WNT5A: variants seen among roughly 807,000 people sequenced by gnomAD.
The protein encoded by WNT5A is protein Wnt-5a.
A neutral mutation model predicts 42.1 loss-of-function variants in WNT5A; 9 were observed. The observed-to-expected ratio is 0.21, with a 90% confidence interval of 0.13 to 0.37. WNT5A has a LOEUF of 0.37. Ranked by LOEUF, WNT5A falls within the 10% of genes least tolerant of loss-of-function variation. WNT5A has a pLI of 1.00. For synonymous variants in WNT5A, 210 were observed against 210.0 expected, an observed-to-expected ratio of 1.00 and a Z score of 0.00; for missense variants, 426 against 534.0, an observed-to-expected ratio of 0.80 and a Z score of 1.99.
upstream of WNT5A, among the ~76,000 whole-genome samples, chr3:55,492,561 G>A (rs2051671570): frequency 6.6e-6 from 1 of 152,176 alleles, no homozygotes; most frequent in Admixed American, 6.5e-5. Context: ...AGAAAAACGA[G>A]GAGCCTGAGG....
chr3:55,481,134 C>T (rs1448918283), intron 1 of WNT5A: 2 of 696,568 alleles, frequency 2.9e-6, no homozygotes, highest in Non-Finnish European at 4.0e-6. Context: ...TCGCTGGGAT[C>T]CTGTGCGCGG....
chr3:55,492,979 G>A (rs1310652513), upstream of WNT5A, among the ~76,000 whole-genome samples: 2 of 152,166 alleles, frequency 1.3e-5, no homozygotes, highest in Non-Finnish European at 1.5e-5. Context: ...CCTGATTCAA[G>A]CTCAGCTCAA....
intron 1 of WNT5A, among the ~76,000 whole-genome samples, chr3:55,484,177 A>C (rs1285687494): frequency 1.3e-5 from 2 of 152,122 alleles, no homozygotes. Context: ...CTCCAAAAAG[A>C]ATCTCCACTC....
intron 2 of WNT5A, among the ~76,000 whole-genome samples, chr3:55,480,182 A>G (rs1269976206): frequency 6.6e-6 from 1 of 152,214 alleles, no homozygotes; most frequent in African/African-American, 2.4e-5. Context: ...GGAAAAAAAT[A>G]CCCAGAATGC....
At chr3:55,473,238 A>G (rs1422459738) in intron 4 of WNT5A, among the ~76,000 whole-genome samples, 1 of 152,140 alleles carries the variant, frequency 6.6e-6, no homozygotes, top group Non-Finnish European at 1.5e-5. Context: ...GTGGGGCCAG[A>G]GTCTTCTAAG....
At chr3:55,497,007 C>G in the WNT5A span, among the ~76,000 whole-genome samples, 1 of 152,234 alleles carries the variant, frequency 6.6e-6, no homozygotes, top group Admixed American at 6.5e-5. Flanking sequence ...GATCATCAAC[C>G]ATTCATTTAA....
At chr3:55,498,593 T>C in the WNT5A span, among the ~76,000 whole-genome samples, 1 of 152,224 alleles carries the variant, frequency 6.6e-6, no homozygotes. Flanking sequence ...CAATTCTTTC[T>C]TCTGCTGTTA....
chr3:55,500,373 G>T, the WNT5A span, among the ~76,000 whole-genome samples: 1 of 152,204 alleles, frequency 6.6e-6, no homozygotes, highest in Non-Finnish European at 1.5e-5. Context: ...TTAATGGATG[G>T]CCATGAATAC....
At chr3:55,485,992 G>A (rs1399109908) in intron 1 of WNT5A, among the ~76,000 whole-genome samples, 1 of 152,170 alleles carries the variant, frequency 6.6e-6, no homozygotes, top group African/African-American at 2.4e-5. Context: ...GAAGCTTGGA[G>A]GACAGATAAG....
rs181894008 is a variant in WNT5A at position 55,479,573 on chromosome 3, G to A, written c.141-9C>T. ...TATTCATACCTAGCGACCTGCAAGG[G>A]GGGGAGATGTGCATTCAAGATTTAC... On this transcript the variant is annotated splice_polypyrimidine_tract_variant and intron_variant, in intron 2 of 4. Transcript: ENST00000264634. The A allele has an allele frequency of 3.3e-5, 52 of 1,570,076 alleles. No individual in the cohort carries two copies. The highest frequency in any genetic ancestry group is 4.0e-5 in the Non-Finnish European group (46 of 1,152,816).
At chr3:55,474,707 G>T in intron 3 of WNT5A, 78 bp from the exon 4 acceptor site, 2 of 775,216 alleles carry the variant, frequency 2.6e-6, no homozygotes, top group Middle Eastern at 5.3e-4. Flanking sequence ...GGGGGTGGGG[G>T]CAAGGTAGGG....
In WNT5A at chr3:55,469,007, C is replaced by T. The variant is rs2051196786; in HGVS notation, c.*1085G>A. The T allele has an allele frequency of 6.6e-6, 1 of 152,174 alleles. No individual in the cohort carries two copies. The highest frequency in any genetic ancestry group is 2.1e-4 in the South Asian group (1 of 4,826). 9.4% of individuals were successfully genotyped at this position (152,174 alleles called of 1,614,324 possible). Reference sequence around the variant, plus strand: ...AACCAAAGGGGACCCAGTGGAGCTGCCGTTTGGAAACGTGGCCAGCATCAC... The same window carrying T: ...AACCAAAGGGGACCCAGTGGAGCTGTCGTTTGGAAACGTGGCCAGCATCAC... On this transcript the variant is annotated 3_prime_UTR_variant, in exon 5 of 5. Coordinates refer to ENST00000264634, the MANE Select transcript of WNT5A (RefSeq NM_003392.7).
the WNT5A span, among the ~76,000 whole-genome samples, chr3:55,504,662 C>T: frequency 6.6e-6 from 1 of 152,170 alleles, no homozygotes; most frequent in South Asian, 2.1e-4. Context: ...CGGGGTTTCT[C>T]CATGTTGGTC....
chr3:55,502,447 T>G, the WNT5A span, among the ~76,000 whole-genome samples: 1 of 152,360 alleles, frequency 6.6e-6, no homozygotes, highest in South Asian at 2.1e-4. Flanking sequence ...ATTCCTTCCC[T>G]GCAACTTAGT....
rs1313966201 is a variant in WNT5A, at chr3:55,483,745, G to A, written c.7-2827C>T. 3.3e-5 allele frequency among the ~76,000 whole-genome samples: 5 copies of A among 152,124 alleles called. No homozygotes were observed. The highest frequency in any genetic ancestry group is 5.9e-5 in the Non-Finnish European group (4 of 68,030). ...CTTCAATCCAGAGCAGCTCAACGAC[G>A]TGGCTCCCTTTCTATGTATCCCTCA... On this transcript the variant is annotated intron_variant, in intron 1 of 4. Coordinates refer to ENST00000264634, the MANE Select transcript of WNT5A (RefSeq NM_003392.7). This position sits in a 1 kb window ranked among gnomAD's most constrained non-coding sequence, Gnocchi z 4.2.
At chr3:55,490,950 A>G (rs540125441), upstream of WNT5A, among the ~76,000 whole-genome samples, 4 of 152,310 alleles carry the variant, frequency 2.6e-5, no homozygotes, top group African/African-American at 9.6e-5. Flanking sequence ...TTTATCTGAT[A>G]ATATTAATAA....
At chr3:55,477,557 G>A (rs868515221) in intron 3 of WNT5A, among the ~76,000 whole-genome samples, 6 of 152,170 alleles carry the variant, frequency 3.9e-5, no homozygotes, top group Non-Finnish European at 7.4e-5. Context: ...CAGTAGTGCC[G>A]TGCAGCTGAA....
At chr3:55,491,733 G>A (rs182598597), upstream of WNT5A, among the ~76,000 whole-genome samples, 77 of 152,338 alleles carry the variant, frequency 5.1e-4, 1 homozygote, top group East Asian at 0.013. Flanking sequence ...TGTCAAGAAA[G>A]CCTGGAGGCC....
At chr3:55,470,682 C>T in intron 4 of WNT5A, 132 bp from the exon 5 acceptor site, 1 of 820,600 alleles carries the variant, frequency 1.2e-6, no homozygotes, top group Non-Finnish European at 1.8e-6. Flanking sequence ...TATTATATTT[C>T]CTTCATTACC....
Sources: allele counts gnomAD v4.1 joint callset (sites outside exome capture counted in the v4.1 genomes callset), GRCh38; gene constraint gnomAD v4.1.1; non-coding constraint Gnocchi (gnomAD v3.1); transcripts MANE v1.5; gene names NCBI Gene and HGNC (gene_info 2026-07-23, HGNC 2026-07-21).